Variants in PCBP3 observed in about 807,000 individuals in gnomAD.
The protein encoded by PCBP3 is poly(rC) binding protein 3.
PCBP3 carries 25 observed loss-of-function variants against 52.7 expected under a neutral mutation model. That is an observed-to-expected ratio of 0.47 (90% CI 0.35 to 0.66). The LOEUF is 0.66. Ranked by LOEUF, PCBP3 falls within the 30% of genes least tolerant of loss-of-function variation. The pLI is 0.01. For missense variants in PCBP3, 391 were observed against 490.3 expected, an observed-to-expected ratio of 0.80 and a Z score of 1.91; for synonymous variants, 162 against 183.0, an observed-to-expected ratio of 0.89 and a Z score of 0.93.
intron 4 of PCBP3, among the ~76,000 whole-genome samples, chr21:45,759,045 G>A (rs1399904347): frequency 6.6e-6 from 1 of 152,156 alleles, no homozygotes; most frequent in Non-Finnish European, 1.5e-5. Context: ...ATCCTACTAA[G>A]TTATGATGTG....
At chr21:45,867,182 G>A (rs1156446620) in intron 5 of PCBP3, among the ~76,000 whole-genome samples, 1 of 152,238 alleles carries the variant, frequency 6.6e-6, no homozygotes, top group Non-Finnish European at 1.5e-5. Context: ...GGCAGAGCAG[G>A]CGTGGAAGGG....
intron 15 of PCBP3, among the ~76,000 whole-genome samples, chr21:45,933,816 G>A (rs1027984874): frequency 1.7e-4 from 26 of 152,196 alleles, no homozygotes; most frequent in African/African-American, 6.0e-4. Context: ...GTGAGAGGTG[G>A]TGCCAGTACC....
At chr21:45,666,227 T>G (rs1274583734) in intron 1 of PCBP3, among the ~76,000 whole-genome samples, 1 of 152,172 alleles carries the variant, frequency 6.6e-6, no homozygotes, top group African/African-American at 2.4e-5. Flanking sequence ...ATGTCCATTT[T>G]CACCACCCTT....
At chr21:45,863,884 C>A (rs2148492886) in intron 5 of PCBP3, among the ~76,000 whole-genome samples, 1 of 152,250 alleles carries the variant, frequency 6.6e-6, no homozygotes, top group South Asian at 2.1e-4. Flanking sequence ...CGGGGAAATG[C>A]CTAGAGGAAC....
intron 4 of PCBP3, among the ~76,000 whole-genome samples, chr21:45,781,553 A>G (rs2090635934): frequency 6.6e-6 from 1 of 152,174 alleles, no homozygotes; most frequent in South Asian, 2.1e-4. Context: ...GAAATGGTAC[A>G]GTTACTTTGG....
intron 2 of PCBP3, among the ~76,000 whole-genome samples, chr21:45,678,480 C>T (rs2081610914): frequency 6.6e-6 from 1 of 152,108 alleles, no homozygotes; most frequent in Non-Finnish European, 1.5e-5. Flanking sequence ...GAGGAGGTCA[C>T]AACATCAACA....
intron 2 of PCBP3, among the ~76,000 whole-genome samples, chr21:45,698,796 T>G (rs1257663051): frequency 1.3e-5 from 2 of 152,240 alleles, no homozygotes; most frequent in Non-Finnish European, 2.9e-5. Flanking sequence ...GGCTTGGCCC[T>G]TCTTCATTTT....
At chr21:45,778,791 C>A (rs1004221418) in intron 4 of PCBP3, among the ~76,000 whole-genome samples, 1 of 152,074 alleles carries the variant, frequency 6.6e-6, no homozygotes, top group African/African-American at 2.4e-5. Context: ...CAAGCAAGAC[C>A]CCCCAGTAGT....
Position 45,656,059 on chromosome 21 carries a change from T to C in PCBP3, c.-279+12191T>C, listed in dbSNP as rs959849316. 3.3e-5 allele frequency among the ~76,000 whole-genome samples: 5 copies of C among 152,214 alleles called. No individual in the cohort carries two copies. Among genetic ancestry groups the C allele is most frequent in the African/African-American group, 1.2e-4 (5 of 41,456 alleles). Reference sequence around the variant, plus strand: ...CACTTTTGGTGGGAGTATAAATTAGTTCAACCATTGTGGAAGACAGTGTGG... The same window carrying C: ...CACTTTTGGTGGGAGTATAAATTAGCTCAACCATTGTGGAAGACAGTGTGG... On this transcript the variant is annotated intron_variant, in intron 1 of 17. Transcript: ENST00000681687. This position sits in a 1 kb window ranked among gnomAD's most constrained non-coding sequence, Gnocchi z 4.3.
intron 1 of PCBP3, among the ~76,000 whole-genome samples, chr21:45,667,075 G>GTTCTTTCTTTCTTTCTTTCTTTCCTTCC (rs1555900588): frequency 6.8e-6 from 1 of 147,552 alleles, no homozygotes; most frequent in Non-Finnish European, 1.5e-5. Flanking sequence ...GCATCTGTTT[G>GTTCTTTCTTTCTTTCTTTCTTTCCTTCC]TTCTTTCTTT....
At chr21:45,674,374 A>G (rs992331749) in intron 2 of PCBP3, among the ~76,000 whole-genome samples, 9 of 152,174 alleles carry the variant, frequency 5.9e-5, no homozygotes, top group Admixed American at 6.5e-5. Flanking sequence ...TATAAACTCT[A>G]TGTCTGGGGG....
In PCBP3 at chr21:45,736,376, C is replaced by T. The variant is rs2085871896; in HGVS notation, c.-162+947C>T. On this transcript the variant is annotated intron_variant, in intron 3 of 17. Transcript: ENST00000681687. The surrounding 1 kb of genome is among the most constrained non-coding windows in gnomAD (Gnocchi z 4.6). ...GCTGCCTTGTTGATGGGACGTGGGT[C>T]GGAGCTCCCAGTGTGTCTTGCCTTC... Among the ~76,000 whole-genome samples, 3 of 152,312 alleles carry T rather than the reference C, an allele frequency of 2.0e-5. No homozygotes were observed. Among genetic ancestry groups the T allele is most frequent in the Admixed American group, 6.5e-5 (1 of 15,308 alleles).
intron 13 of PCBP3, among the ~76,000 whole-genome samples, chr21:45,927,807 C>T (rs958732209): frequency 2.0e-5 from 3 of 152,186 alleles, no homozygotes; most frequent in Non-Finnish European, 2.9e-5. Flanking sequence ...GGCCTGGAGA[C>T]ACCAGGCCTT....
chr21:45,867,906 C>A (rs2094812335), intron 5 of PCBP3, among the ~76,000 whole-genome samples: 1 of 152,264 alleles, frequency 6.6e-6, no homozygotes, highest in African/African-American at 2.4e-5. Flanking sequence ...TGGAACCCAG[C>A]GCCGTCGCAC....
intron 7 of PCBP3, 42 bp from the exon 8 acceptor site, chr21:45,900,549 C>A: frequency 1.3e-6 from 2 of 1,569,680 alleles, no homozygotes; most frequent in South Asian, 1.1e-5. Flanking sequence ...TCCTCAGAGC[C>A]AGAGGGATAC....
chr21:45,939,763 C>A (rs1022971110), intron 16 of PCBP3, among the ~76,000 whole-genome samples: 3 of 152,146 alleles, frequency 2.0e-5, no homozygotes, highest in Non-Finnish European at 4.4e-5. Flanking sequence ...GCTGGGTGGG[C>A]CTCCTACAGG....
intron 15 of PCBP3, among the ~76,000 whole-genome samples, chr21:45,933,226 C>G (rs1296627123): frequency 6.6e-6 from 1 of 152,118 alleles, no homozygotes; most frequent in East Asian, 1.9e-4. Context: ...CGAATGAACA[C>G]CTGGGCCATG....
chr21:45,662,019 A>G (rs2080425350), intron 1 of PCBP3, among the ~76,000 whole-genome samples: 1 of 151,966 alleles, frequency 6.6e-6, no homozygotes, highest in Non-Finnish European at 1.5e-5. Context: ...AGTTTCTTGT[A>G]GATCCTGGAT....
At chr21:45,899,047 G>A (rs1234277336) in intron 6 of PCBP3, among the ~76,000 whole-genome samples, 3 of 147,622 alleles carry the variant, frequency 2.0e-5, no homozygotes, top group East Asian at 2.0e-4. Flanking sequence ...GCTCTGTCCC[G>A]CTGCTGGACA....
Sources: allele counts gnomAD v4.1 joint callset (sites outside exome capture counted in the v4.1 genomes callset), GRCh38; gene constraint gnomAD v4.1.1; non-coding constraint Gnocchi (gnomAD v3.1); transcripts MANE v1.5; gene names NCBI Gene and HGNC (gene_info 2026-07-23, HGNC 2026-07-21).